The following AGBL4 variants were observed in gnomAD, a reference collection of about 807,000 sequenced individuals.
The protein encoded by AGBL4 is cytosolic carboxypeptidase 6.
In AGBL4, 58 loss-of-function variants were observed where a neutral mutation model predicts 66.4. That is an observed-to-expected ratio of 0.87 (90% CI 0.71 to 1.09). The LOEUF is 1.09. Ranked by LOEUF, AGBL4 falls within the 50% of genes least tolerant of loss-of-function variation. The pLI is 0.00. For missense variants in AGBL4, 579 were observed against 631.0 expected (o/e 0.92, Z 0.88); for synonymous variants, 234 against 222.9 (o/e 1.05, Z -0.44).
At chr1:48,646,552 T>TGTGTGC (rs1553200348) in intron 8 of AGBL4, among the ~76,000 whole-genome samples, 16 of 151,304 alleles carry the variant, frequency 1.1e-4, no homozygotes, top group African/African-American at 3.9e-4. Context: ...TGTGTGTGTG[T>TGTGTGC]GTGCTGGTGC....
chr1:49,415,504 G>A (rs1055341737), intron 3 of AGBL4, among the ~76,000 whole-genome samples: 1 of 152,066 alleles, frequency 6.6e-6, no homozygotes, highest in East Asian at 1.9e-4. Flanking sequence ...GCTTGAACCT[G>A]CTAATAACTA....
intron 6 of AGBL4, among the ~76,000 whole-genome samples, chr1:48,742,462 C>T (rs2148596820): frequency 1.3e-5 from 2 of 152,200 alleles, no homozygotes; most frequent in East Asian, 1.9e-4. Context: ...CCCAGCAAAG[C>T]TACGCTACTG....
chr1:49,534,168 T>C, intron 3 of AGBL4, among the ~76,000 whole-genome samples: 1 of 72,426 alleles, frequency 1.4e-5, no homozygotes, highest in Non-Finnish European at 2.9e-5. Context: ...CAACACCATT[T>C]TACAAAAAAA....
chr1:48,545,328 T>TC (rs1309556065), intron 11 of AGBL4, among the ~76,000 whole-genome samples: 1 of 152,098 alleles, frequency 6.6e-6, no homozygotes, highest in Non-Finnish European at 1.5e-5. Flanking sequence ...CTCTTTCCCT[T>TC]CCCCCTCCAA....
chr1:48,713,827 C>T (rs778077486), intron 6 of AGBL4, among the ~76,000 whole-genome samples: 1 of 152,126 alleles, frequency 6.6e-6, no homozygotes, highest in Non-Finnish European at 1.5e-5. Flanking sequence ...AATCTGTCAG[C>T]TGAATAGCCC....
At chr1:49,199,563 A>T (rs1304605873) in intron 4 of AGBL4, among the ~76,000 whole-genome samples, 1 of 152,156 alleles carries the variant, frequency 6.6e-6, no homozygotes, top group African/African-American at 2.4e-5. Flanking sequence ...TACTGGGAAG[A>T]TCTCATTTTT....
At chr1:49,841,598 T>A (rs1252592578) in intron 2 of AGBL4, among the ~76,000 whole-genome samples, 1 of 152,034 alleles carries the variant, frequency 6.6e-6, no homozygotes. Context: ...AACTATACTC[T>A]AAGGCTACAG....
intron 1 of AGBL4, among the ~76,000 whole-genome samples, chr1:49,880,907 G>A (rs1336346303): frequency 6.6e-6 from 1 of 152,076 alleles, no homozygotes; most frequent in Admixed American, 6.5e-5. Flanking sequence ...TATTCGGGTG[G>A]GAGTGACCCG....
chr1:49,914,050 T>A (rs997039369), intron 1 of AGBL4, among the ~76,000 whole-genome samples: 3 of 152,230 alleles, frequency 2.0e-5, no homozygotes, highest in African/African-American at 7.2e-5. Context: ...CACCTGGCTC[T>A]CTTCTAGCCA....
intron 5 of AGBL4, among the ~76,000 whole-genome samples, chr1:49,041,741 T>C (rs997265666): frequency 1.3e-5 from 2 of 152,180 alleles, no homozygotes; most frequent in Non-Finnish European, 2.9e-5. Flanking sequence ...GTGTTGAATC[T>C]GAATAAAGGA....
At chr1:48,781,789 TCAGA>T (rs1349871290) in intron 6 of AGBL4, among the ~76,000 whole-genome samples, 20 of 152,236 alleles carry the variant, frequency 1.3e-4, no homozygotes, top group African/African-American at 4.8e-4. Context: ...CGCCTGCCCT[TCAGA>T]CATGGTGAAA....
chr1:48,971,478 G>GA (rs1005526195), intron 5 of AGBL4, among the ~76,000 whole-genome samples: 23 of 151,264 alleles, frequency 1.5e-4, no homozygotes, highest in Non-Finnish European at 1.2e-4. Context: ...GTATTGAGGG[G>GA]AAAAAAAACA....
intron 5 of AGBL4, among the ~76,000 whole-genome samples, chr1:48,891,546 C>G (rs370137727): frequency 6.6e-6 from 1 of 152,216 alleles, no homozygotes; most frequent in Non-Finnish European, 1.5e-5. Context: ...ACGCTTGTTG[C>G]TATCTTAGGA....
intron 1 of AGBL4, among the ~76,000 whole-genome samples, chr1:49,983,983 C>A (rs1049433460): frequency 6.6e-6 from 1 of 152,162 alleles, no homozygotes; most frequent in South Asian, 2.1e-4. Context: ...ACACAACTGA[C>A]TGGCATTGTT....
chr1:49,380,609 A>C (rs1461318671), intron 3 of AGBL4, among the ~76,000 whole-genome samples: 1 of 151,828 alleles, frequency 6.6e-6, no homozygotes, highest in South Asian at 2.1e-4. Flanking sequence ...ACAAGGCTAT[A>C]GTAACCAAAA....
At chr1:49,102,829 A>C (rs904337169) in intron 4 of AGBL4, among the ~76,000 whole-genome samples, 35 of 152,178 alleles carry the variant, frequency 2.3e-4, no homozygotes, top group Admixed American at 1.7e-3. Context: ...CTTGACTCCA[A>C]GGCCATTTCC....
At chr1:49,003,427 A>G (rs958438458) in intron 5 of AGBL4, among the ~76,000 whole-genome samples, 3 of 152,168 alleles carry the variant, frequency 2.0e-5, no homozygotes, top group African/African-American at 7.2e-5. Context: ...ATACAAATAA[A>G]TAAATAAAAT....
intron 2 of AGBL4, among the ~76,000 whole-genome samples, chr1:49,819,342 A>G (rs373762351): frequency 2.0e-5 from 3 of 152,212 alleles, no homozygotes; most frequent in East Asian, 3.8e-4. Context: ...TGCATTCACA[A>G]TATCAGAACT....
chr1:49,414,987 C>A (rs958914613), intron 3 of AGBL4, among the ~76,000 whole-genome samples: 3 of 152,164 alleles, frequency 2.0e-5, no homozygotes, highest in East Asian at 1.9e-4. Context: ...GCTAATCCAA[C>A]CCCATCATTT....
Sources: allele counts gnomAD v4.1 joint callset (sites outside exome capture counted in the v4.1 genomes callset), GRCh38; gene constraint gnomAD v4.1.1; transcripts MANE v1.5; gene names NCBI Gene and HGNC (gene_info 2026-07-23, HGNC 2026-07-21).